NCKAP5: variants seen among roughly 807,000 people sequenced by gnomAD.
NCKAP5 encodes the protein nck-associated protein 5.
In NCKAP5, 92 loss-of-function variants were observed where a neutral mutation model predicts 167.0. That is an observed-to-expected ratio of 0.55 (90% CI 0.47 to 0.66). The LOEUF (loss-of-function observed/expected upper bound fraction) is 0.66. Among genes scored for constraint, NCKAP5 ranks in the 30% least tolerant of loss-of-function variants. The pLI is 0.00. For synonymous variants in NCKAP5, 891 were observed against 877.4 expected, an observed-to-expected ratio of 1.02 and a Z score of -0.27; for missense variants, 2,378 against 2,315.0, an observed-to-expected ratio of 1.03 and a Z score of -0.56.
chr2:133,593,564 G>T, the NCKAP5 span, among the ~76,000 whole-genome samples: 5 of 151,708 alleles, frequency 3.3e-5, no homozygotes, highest in Non-Finnish European at 7.4e-5. Context: ...TCTTTTTGCC[G>T]AAGGCTGGGG....
chr2:133,625,882 A>G, the NCKAP5 span, among the ~76,000 whole-genome samples: 1 of 151,858 alleles, frequency 6.6e-6, no homozygotes, highest in Non-Finnish European at 1.5e-5. Context: ...AAAAAAAAAA[A>G]AAAAAGAATA....
chr2:133,431,760 G>C (rs897707004), intron 3 of NCKAP5: 1 of 152,092 alleles, frequency 6.6e-6, no homozygotes, highest in Non-Finnish European at 1.5e-5. Context: ...CATCATCAAA[G>C]ATGGGCAAAG....
At chr2:132,963,436 C>T (rs1265673519) in intron 8 of NCKAP5, among the ~76,000 whole-genome samples, 2 of 152,150 alleles carry the variant, frequency 1.3e-5, no homozygotes, top group Admixed American at 6.5e-5. Context: ...TAGCCTCTTC[C>T]CCCAAGGAGC....
chr2:132,900,991 A>AAG (rs1183515046), intron 8 of NCKAP5, among the ~76,000 whole-genome samples: 1 of 151,306 alleles, frequency 6.6e-6, no homozygotes, highest in African/African-American at 2.4e-5. Context: ...AAAAAAAAAA[A>AAG]AAAAGAACAC....
rs561742723 is a variant in NCKAP5, at chr2:133,371,772, G to A, written c.70-68662C>T. ...CCTCAATTTTTTTCCTTCCTGGGCT[G>A]CTAATGTGCTGCCCCTACCTGGTTC... is the stretch of plus-strand genomic sequence containing the variant. On this transcript the variant is annotated intron_variant, in intron 3 of 19. Transcript: ENST00000409261. 3.3e-5 allele frequency among the ~76,000 whole-genome samples: 5 copies of A among 152,230 alleles called. No individual in the cohort carries two copies. In the East Asian group the frequency reaches 9.7e-4, roughly 29 times the overall value.
chr2:133,077,946 TA>T (rs1390709831), intron 6 of NCKAP5, among the ~76,000 whole-genome samples: 4 of 152,190 alleles, frequency 2.6e-5, no homozygotes, highest in African/African-American at 9.7e-5. Context: ...AAGAAACCCA[TA>T]GTCTTCACTT....
intron 5 of NCKAP5, among the ~76,000 whole-genome samples, chr2:133,147,110 A>G (rs1187169501): frequency 6.6e-6 from 1 of 152,190 alleles, no homozygotes; most frequent in Non-Finnish European, 1.5e-5. Context: ...ATAGCTCAAA[A>G]TTGCCACCAA....
chr2:133,242,759 C>A (rs1574479022), intron 4 of NCKAP5, among the ~76,000 whole-genome samples: 1 of 152,178 alleles, frequency 6.6e-6, no homozygotes, highest in Non-Finnish European at 1.5e-5. Context: ...TAAATGTAAA[C>A]TGACAAACAT....
rs145078403 is a variant in NCKAP5 at position 133,312,000 on chromosome 2, G to A, written c.70-8890C>T. Among the ~76,000 whole-genome samples, 807 of 152,216 alleles carry A rather than the reference G, an allele frequency of 5.3e-3. 5 individuals carry two copies. Among genetic ancestry groups the A allele is most frequent in the African/African-American group, 0.018 (765 of 41,532 alleles). On this transcript the variant is annotated intron_variant, in intron 3 of 19. Transcript: ENST00000409261. ...TCTTGCAACTCTGAGAAAAATTTAG[G>A]TACATTGCTCATCTATGGCATGTAA... is the stretch of plus-strand genomic sequence containing the variant.
chr2:133,125,620 A>G (rs1487692872), intron 6 of NCKAP5, among the ~76,000 whole-genome samples: 1 of 152,232 alleles, frequency 6.6e-6, no homozygotes, highest in Non-Finnish European at 1.5e-5. Flanking sequence ...AAATAATAAG[A>G]TAAAGTGGCA....
chr2:133,176,346 T>C (rs1057276550), intron 5 of NCKAP5, among the ~76,000 whole-genome samples: 9 of 152,376 alleles, frequency 5.9e-5, no homozygotes, highest in African/African-American at 1.2e-4. Flanking sequence ...AAAAGGGCAT[T>C]GATCAAAATG....
intron 8 of NCKAP5, among the ~76,000 whole-genome samples, chr2:132,885,180 T>C (rs1257262631): frequency 6.0e-5 from 9 of 150,480 alleles, no homozygotes; most frequent in Admixed American, 2.0e-4. Flanking sequence ...ATTAACCTGC[T>C]ACCAACTTAA....
chr2:132,682,358 C>A (rs1203261039), intron 19 of NCKAP5, among the ~76,000 whole-genome samples: 2 of 152,106 alleles, frequency 1.3e-5, no homozygotes, highest in African/African-American at 4.8e-5. Context: ...AACTCTGTAC[C>A]CAGATTGTAA....
At chr2:133,533,180 G>A (rs566063895) in intron 2 of NCKAP5, among the ~76,000 whole-genome samples, 3 of 152,332 alleles carry the variant, frequency 2.0e-5, no homozygotes, top group Non-Finnish European at 2.9e-5. Context: ...ACGTAAATGC[G>A]TGAAGCCGCC....
At position 132,781,486 on chromosome 2, in the gene NCKAP5, G is replaced by A. The variant is rs374327979; in HGVS notation, c.4872-257C>T. 4.6e-5 allele frequency among the ~76,000 whole-genome samples: 7 copies of A among 152,292 alleles called. No homozygotes were observed. In the East Asian group the frequency reaches 1.4e-3, roughly 29 times the overall value. ...GGAGAGGGGCAAAATAAAAACCACT[G>A]AAGAGTGATTATTAACTACATTTTT... On this transcript the variant is annotated intron_variant, in intron 14 of 19. Transcript: ENST00000409261.
At chr2:133,008,738 T>TG (rs2078055347) in intron 6 of NCKAP5, among the ~76,000 whole-genome samples, 1 of 151,992 alleles carries the variant, frequency 6.6e-6, no homozygotes, top group Non-Finnish European at 1.5e-5. Context: ...AACTAAAAAC[T>TG]GGGGGAAAAA....
At chr2:133,390,404 C>T (rs1025823622) in intron 3 of NCKAP5, among the ~76,000 whole-genome samples, 7 of 152,206 alleles carry the variant, frequency 4.6e-5, no homozygotes, top group African/African-American at 1.4e-4. Context: ...TTCCCACACA[C>T]GACCCGATAC....
intron 9 of NCKAP5, among the ~76,000 whole-genome samples, chr2:132,869,489 C>A (rs1404045541): frequency 6.6e-6 from 1 of 152,164 alleles, no homozygotes; most frequent in African/African-American, 2.4e-5. Flanking sequence ...AATGTTTTTG[C>A]TTAAGTCACG....
intron 3 of NCKAP5, among the ~76,000 whole-genome samples, chr2:133,388,128 A>G (rs1687130010): frequency 6.6e-6 from 1 of 152,122 alleles, no homozygotes; most frequent in African/African-American, 2.4e-5. Flanking sequence ...TCTGATTTTT[A>G]GAATTTTCAG....
Sources: allele counts gnomAD v4.1 joint callset (sites outside exome capture counted in the v4.1 genomes callset), GRCh38; gene constraint gnomAD v4.1.1; transcripts MANE v1.5; gene names NCBI Gene and HGNC (gene_info 2026-07-23, HGNC 2026-07-21).